Variants in CD163L1 observed in about 807,000 individuals in gnomAD.
The protein encoded by CD163L1 is CD163 molecule like 1.
Under a neutral mutation model 165.4 loss-of-function variants are expected in CD163L1, and 124 were observed. The ratio of observed to expected loss-of-function variants is 0.75; its 90% confidence interval spans 0.65 to 0.87. The LOEUF is 0.87. Among genes scored for constraint, CD163L1 ranks in the 40% least tolerant of loss-of-function variants. The pLI is 0.00. For missense variants in CD163L1, 1,525 were observed against 1,799.9 expected (o/e 0.85, Z 2.76); for synonymous variants, 585 against 662.2 (o/e 0.88, Z 1.79).
chr12:7,440,629 CT>C (rs71067189), intron 2 of CD163L1, among the ~76,000 whole-genome samples: 100,597 of 116,316 alleles, frequency 0.86, 43,009 homozygotes, highest in South Asian at 0.93. Flanking sequence ...TATCTTTTTT[CT>C]TTTTTTTTTT....
the CD163L1 span, among the ~76,000 whole-genome samples, chr12:7,330,228 A>G: frequency 1.3e-5 from 2 of 152,194 alleles, no homozygotes; most frequent in Non-Finnish European, 2.9e-5. Flanking sequence ...AAGCAAAAAC[A>G]CTAGCTAGGA....
At chr12:7,370,648 T>C (rs750162908) in intron 14 of CD163L1, among the ~76,000 whole-genome samples, 2 of 152,288 alleles carry the variant, frequency 1.3e-5, no homozygotes, top group South Asian at 4.1e-4. Flanking sequence ...AACTTTCACA[T>C]GCACCCTTTA....
intron 7 of CD163L1, among the ~76,000 whole-genome samples, chr12:7,397,818 G>A (rs1216082476): frequency 1.3e-5 from 2 of 152,124 alleles, no homozygotes; most frequent in African/African-American, 2.4e-5. Flanking sequence ...AATATATGTG[G>A]GAATGAATAT....
At chr12:7,342,257 C>A (rs1276518591), downstream of CD163L1, among the ~76,000 whole-genome samples, 1 of 152,208 alleles carries the variant, frequency 6.6e-6, no homozygotes, top group Non-Finnish European at 1.5e-5. Flanking sequence ...ACAGCTGACC[C>A]ACCCAGGGTG....
Position 7,375,283 on chromosome 12 carries a change from G to A in CD163L1, c.2999C>T (p.Thr1000Ile), listed in dbSNP as rs373856898. The change falls in exon 11 of 20, where the codon ACA becomes ATA. Residue 1000 changes from threonine to isoleucine, a missense_variant and splice_region_variant. Transcript: ENST00000313599. ...AACCATAAGCACTATTCTCTTACCT[G>A]TGCAGATCACAGAGACAGTATTTCC... ...IHGNTVSVIC[T>I]GSLTQPLFPC... The A allele has an allele frequency of 5.6e-6, 9 of 1,613,244 alleles. No individual in the cohort carries two copies. In the East Asian group the frequency reaches 2.0e-4, roughly 36 times the overall value.
At chr12:7,436,511 T>C (rs1469347713) in intron 2 of CD163L1, among the ~76,000 whole-genome samples, 1 of 152,148 alleles carries the variant, frequency 6.6e-6, no homozygotes, top group African/African-American at 2.4e-5. Context: ...ATGGCTCATG[T>C]CTGTAATTTC....
Position 7,368,708 on chromosome 12 carries a change from A to G in CD163L1, c.4072+225T>C. 1 of 514,094 alleles carries G rather than the reference A, an allele frequency of 1.9e-6. No individual in the cohort carries two copies. Among genetic ancestry groups the G allele is most frequent in the South Asian group, 2.5e-5 (1 of 39,508 alleles). 31.8% of individuals were successfully genotyped at this position (514,094 alleles called of 1,614,324 possible). ...ATCTAGAAAGATTATCTATGAGGGT[A>G]CCATGAGAGTCTTATCCTTCTCTGC... On this transcript the variant is annotated intron_variant, in intron 16 of 19. Transcript: ENST00000313599. The surrounding 1 kb of genome is among the most constrained non-coding windows in gnomAD (Gnocchi z 4.3).
chr12:7,328,316 A>C, the CD163L1 span: 2 of 1,593,576 alleles, frequency 1.3e-6, no homozygotes, highest in Non-Finnish European at 1.7e-6. Context: ...TCCCAAAGAC[A>C]ATCACTGGGA....
chr12:7,368,243 A>C lies in CD163L1; in HGVS notation c.4073-46T>G, dbSNP rs1392319352. 4.6e-6 allele frequency: 5 copies of C among 1,097,334 alleles called. No homozygotes were observed. The highest frequency in any genetic ancestry group is 6.9e-6 in the Non-Finnish European group (5 of 724,360). The allele number at this position is 1,097,334 out of a possible 1,614,324, so 68.0% of individuals were successfully genotyped here. Reference sequence around the variant, plus strand: ...GATAAGTATTAAACTAGTAGATATCAATTGTGGGTTTATACATTGTAAAAA... The same window carrying C: ...GATAAGTATTAAACTAGTAGATATCCATTGTGGGTTTATACATTGTAAAAA... On this transcript the variant is annotated intron_variant, in intron 16 of 19. Coordinates refer to ENST00000313599, the MANE Select transcript of CD163L1 (RefSeq NM_174941.6). The surrounding 1 kb of genome is among the most constrained non-coding windows in gnomAD (Gnocchi z 4.3).
At chr12:7,377,230 G>A (rs750263441) in intron 9 of CD163L1, among the ~76,000 whole-genome samples, 2 of 152,034 alleles carry the variant, frequency 1.3e-5, no homozygotes, top group African/African-American at 2.4e-5. Flanking sequence ...CATGACCTTC[G>A]AGTCTTTGTC....
At chr12:7,377,171 A>G (rs1947287202) in intron 9 of CD163L1, among the ~76,000 whole-genome samples, 1 of 152,106 alleles carries the variant, frequency 6.6e-6, no homozygotes, top group African/African-American at 2.4e-5. Flanking sequence ...AACTGGCTGT[A>G]TCTCTATTTG....
At chr12:7,381,982 G>A (rs1026933144) in intron 8 of CD163L1, among the ~76,000 whole-genome samples, 2 of 147,564 alleles carry the variant, frequency 1.4e-5, no homozygotes, top group Non-Finnish European at 3.0e-5. Flanking sequence ...ATATGTAATT[G>A]TTTTATATAC....
intron 4 of CD163L1, among the ~76,000 whole-genome samples, chr12:7,408,131 A>G (rs1948066957): frequency 6.6e-6 from 1 of 152,022 alleles, no homozygotes; most frequent in South Asian, 2.1e-4. Context: ...ATCCAAGAAT[A>G]CATTGTCTGT....
Position 7,403,835 on chromosome 12 carries a change from G to C in CD163L1, c.1108C>G (p.Arg370Gly), listed in dbSNP as rs201216711. 2.5e-6 allele frequency: 4 copies of C among 1,612,838 alleles called. No individual in the cohort carries two copies. The African/African-American group carries it at 4.0e-5, about 16-fold the overall frequency. ...CAATTGTTACTTCCATCTGCTAGTC[G>C]CAGTTCCAAATCTGCTCCATCTAGG... ...ICSDGADLEL[R>G]LADGSNNCSG... Residue 370 changes from arginine (R) to glycine (G), a missense_variant, in exon 6 of 20, where the codon CGA becomes GGA. Arg to Gly is a moderately radical substitution (Grantham distance 125). Transcript: ENST00000313599.
Position 7,433,418 on chromosome 12 carries a change from C to G in CD163L1, c.401G>C (p.Ser134Thr). 1 of 1,609,906 alleles carries G rather than the reference C, an allele frequency of 6.2e-7. No homozygotes were observed. Among genetic ancestry groups the G allele is most frequent in the Non-Finnish European group, 8.5e-7 (1 of 1,177,894 alleles). ...LWECQHREWG[S>T]HNCYHGEDVG... ...ATCTTCTCCATGATAACAGTTATGGCTTCCCCATTCCCGGTGTTGACATTC... is the reference window on the plus strand; with the variant it reads ...ATCTTCTCCATGATAACAGTTATGGGTTCCCCATTCCCGGTGTTGACATTC... The change falls in exon 3 of 20, where the codon AGC becomes ACC. Residue 134 changes from serine (S) to threonine (T), a missense_variant. Transcript: ENST00000313599.
At position 7,407,445 on chromosome 12, in the gene CD163L1, C is replaced by T. The variant is rs144224152; in HGVS notation, c.767-593G>A. Among the ~76,000 whole-genome samples the T allele has an allele frequency of 4.3e-4, 66 of 152,092 alleles. 1 individual carries two copies. The highest frequency in any genetic ancestry group is 1.5e-3 in the African/African-American group (63 of 41,528). Reference sequence around the variant, plus strand: ...CTTCTAAAGGTGAAAGCAAGTGTGACCAGCCATAAATTATGGGCTTGTTAT... The same window carrying T: ...CTTCTAAAGGTGAAAGCAAGTGTGATCAGCCATAAATTATGGGCTTGTTAT... On this transcript the variant is annotated intron_variant, in intron 4 of 19. Transcript: ENST00000313599.
intron 2 of CD163L1, chr12:7,440,138 GTCCC>G (rs1207672094): frequency 3.0e-6 from 2 of 677,666 alleles, no homozygotes; most frequent in African/African-American, 3.6e-5. Context: ...GCGTGGCCAC[GTCCC>G]GCTCAGGCTC....
intron 18 of CD163L1, among the ~76,000 whole-genome samples, chr12:7,362,203 AAT>A (rs1174861828): frequency 1.5e-5 from 2 of 137,130 alleles, no homozygotes; most frequent in Non-Finnish European, 3.1e-5. Context: ...TAACATATAT[AAT>A]ATATCATATG....
chr12:7,319,461 G>A, the CD163L1 span, among the ~76,000 whole-genome samples: 1 of 151,750 alleles, frequency 6.6e-6, no homozygotes, highest in Non-Finnish European at 1.5e-5. Context: ...CATGGTGGTG[G>A]GTGCCTGTAA....
Sources: allele counts gnomAD v4.1 joint callset (sites outside exome capture counted in the v4.1 genomes callset), GRCh38; gene constraint gnomAD v4.1.1; non-coding constraint Gnocchi (gnomAD v3.1); transcripts MANE v1.5; gene names NCBI Gene and HGNC (gene_info 2026-07-23, HGNC 2026-07-21).